CACNA1C: variants seen among roughly 807,000 people sequenced by gnomAD.
CACNA1C encodes the protein calcium voltage-gated channel subunit alpha1 C, also known as voltage-dependent L-type calcium channel subunit alpha-1C.
Under a neutral mutation model 229.0 loss-of-function variants are expected in CACNA1C, and 30 were observed. The ratio of observed to expected loss-of-function variants is 0.13; its 90% CI spans 0.10 to 0.18. The LOEUF is 0.18. CACNA1C is among the 10% of genes least tolerant of loss of function. The probability of loss-of-function intolerance (pLI) is 1.00; values close to 1 mark genes in which losing one functional copy is unlikely to be tolerated. For synonymous variants in CACNA1C, 1,114 were observed against 1,132.5 expected (o/e 0.98, Z 0.33); for missense variants, 1,658 against 2,845.0 (o/e 0.58, Z 9.49).
intron 1 of CACNA1C, among the ~76,000 whole-genome samples, chr12:2,044,258 C>T (rs2050695464): frequency 6.6e-6 from 1 of 152,162 alleles, no homozygotes. Flanking sequence ...CTGGGTCATA[C>T]GAATACATGA....
chr12:2,449,994 G>A (rs903847756), intron 4 of CACNA1C, among the ~76,000 whole-genome samples: 1 of 152,084 alleles, frequency 6.6e-6, no homozygotes, highest in African/African-American at 2.4e-5. Flanking sequence ...CAAGACAGGT[G>A]GATGAGAAGG....
chr12:2,283,263 A>C (rs2091897741), intron 3 of CACNA1C, among the ~76,000 whole-genome samples: 1 of 152,192 alleles, frequency 6.6e-6, no homozygotes, highest in Admixed American at 6.5e-5. Flanking sequence ...TTAGTGACAC[A>C]ATCCAATTAA....
Position 1,971,867 on chromosome 12 carries a change from C to G in CACNA1C, c.139+666C>G, listed in dbSNP as rs1263811709. Among the ~76,000 whole-genome samples, 1 of 152,158 alleles carries G rather than the reference C, an allele frequency of 6.6e-6. No individual in the cohort carries two copies. Among genetic ancestry groups the G allele is most frequent in the Non-Finnish European group, 1.5e-5 (1 of 68,026 alleles). ...TTTGTTTTATATTTTTACCCAAATA[C>G]CATACAACTCCAAATCATGAATGAT... On this transcript the variant is annotated intron_variant, in intron 1 of 46. Transcript: ENST00000682462. This position sits in a 1 kb window ranked among gnomAD's most constrained non-coding sequence, Gnocchi z 4.2.
At chr12:2,593,092 TC>T (rs1601450740) in intron 18 of CACNA1C, 120 bp from the exon 19 acceptor site, 1 of 1,102,062 alleles carries the variant, frequency 9.1e-7, no homozygotes, top group East Asian at 2.6e-5. Context: ...AGAATGTCTG[TC>T]TTGGTTGGTA....
chr12:2,583,648 C>G (rs936029132), intron 15 of CACNA1C, among the ~76,000 whole-genome samples: 1 of 152,224 alleles, frequency 6.6e-6, no homozygotes, highest in Non-Finnish European at 1.5e-5. Context: ...CTTTTCCCAG[C>G]TGGATGACCT....
chr12:2,105,540 G>C (rs1442189468), intron 1 of CACNA1C, among the ~76,000 whole-genome samples: 1 of 152,186 alleles, frequency 6.6e-6, no homozygotes, highest in Non-Finnish European at 1.5e-5. Flanking sequence ...AGTCAGATGC[G>C]GCATGGCGGC....
intron 1 of CACNA1C, among the ~76,000 whole-genome samples, chr12:2,083,569 A>G (rs2066464622): frequency 6.6e-6 from 1 of 152,228 alleles, no homozygotes; most frequent in Non-Finnish European, 1.5e-5. Context: ...TTTGATCCTC[A>G]GTTTCCCCAG....
At chr12:2,070,759 A>G (rs1040054946) in intron 1 of CACNA1C, among the ~76,000 whole-genome samples, 2 of 152,158 alleles carry the variant, frequency 1.3e-5, no homozygotes, top group African/African-American at 4.8e-5. Flanking sequence ...TTGGTGAGAT[A>G]CTTCAACTTG....
chr12:2,547,378 C>T (rs1232993761), intron 9 of CACNA1C: 9 of 753,142 alleles, frequency 1.2e-5, no homozygotes, highest in South Asian at 4.2e-5. Context: ...TTCTCTTGCC[C>T]GTGGCTGACT....
At chr12:2,210,428 CT>C (rs1314322516) in intron 3 of CACNA1C, among the ~76,000 whole-genome samples, 1 of 152,200 alleles carries the variant, frequency 6.6e-6, no homozygotes, top group Non-Finnish European at 1.5e-5. Context: ...CTTATGCCCT[CT>C]TTCTTTGGAA....
intron 3 of CACNA1C, among the ~76,000 whole-genome samples, chr12:2,163,172 T>C (rs1164374791): frequency 1.4e-5 from 2 of 139,150 alleles, no homozygotes; most frequent in Non-Finnish European, 3.0e-5. Context: ...CATTGCACTC[T>C]AGTCTGGGCA....
intron 9 of CACNA1C, among the ~76,000 whole-genome samples, chr12:2,517,335 C>T (rs2099799147): frequency 6.6e-6 from 1 of 152,238 alleles, no homozygotes; most frequent in South Asian, 2.1e-4. Context: ...GAGGAGGAGA[C>T]TCACACAGAC....
intron 29 of CACNA1C, among the ~76,000 whole-genome samples, chr12:2,624,711 T>C (rs1382376290): frequency 3.3e-5 from 5 of 152,216 alleles, no homozygotes; most frequent in Admixed American, 1.3e-4. Context: ...TGGTGGCCAG[T>C]GTCACCCCCT....
chr12:2,506,802 G>T (rs1320910768), intron 8 of CACNA1C, among the ~76,000 whole-genome samples: 1 of 151,398 alleles, frequency 6.6e-6, no homozygotes, highest in African/African-American at 2.4e-5. Flanking sequence ...ACTTTTAAAA[G>T]AATGTAACTC....
At chr12:2,069,306 G>T (rs143641479) in intron 1 of CACNA1C, among the ~76,000 whole-genome samples, 10 of 152,300 alleles carry the variant, frequency 6.6e-5, no homozygotes, top group African/African-American at 2.4e-4. Flanking sequence ...ACATCTTTCA[G>T]GCCCAGAAGG....
At chr12:2,527,258 G>A (rs1405862346) in intron 9 of CACNA1C, among the ~76,000 whole-genome samples, 1 of 152,150 alleles carries the variant, frequency 6.6e-6, no homozygotes, top group African/African-American at 2.4e-5. Flanking sequence ...AAAGATTAGA[G>A]GTCAAGCGAA....
At chr12:2,073,331 T>A (rs767431647) in intron 1 of CACNA1C, among the ~76,000 whole-genome samples, 1 of 152,250 alleles carries the variant, frequency 6.6e-6, no homozygotes, top group Non-Finnish European at 1.5e-5. Context: ...CTTACCCTTC[T>A]GTGCCCTTCC....
chr12:2,633,597 A>C lies in CACNA1C; in HGVS notation c.3829-700A>C, dbSNP rs753934092. On this transcript the variant is annotated intron_variant, in intron 29 of 46. Coordinates refer to ENST00000399655, the MANE Select transcript of CACNA1C (RefSeq NM_000719.7). The surrounding 1 kb of genome is among the most constrained non-coding windows in gnomAD (Gnocchi z 5.8). ...TCTTGTCTGTCTAATATTCCTTTTT[A>C]ATCCCCATCCTGCCTGCCCTCCCTT... 8.2e-6 allele frequency: 10 copies of C among 1,219,186 alleles called. No homozygotes were observed. The highest frequency in any genetic ancestry group is 1.2e-5 in the Non-Finnish European group (10 of 819,958). The allele number at this position is 1,219,186 out of a possible 1,614,324, so 75.5% of individuals were successfully genotyped here. A position where few individuals can be genotyped will look rare whatever the true frequency, so the allele number is the denominator to read the frequency against.
Position 2,585,502 on chromosome 12 carries a change from G to A in CACNA1C, c.2460+6G>A, listed in dbSNP as rs369246066. 4.5e-4 allele frequency: 696 copies of A among 1,552,772 alleles called. No homozygotes were observed. Among genetic ancestry groups the A allele is most frequent in the Non-Finnish European group, 5.8e-4 (671 of 1,147,298 alleles). ...AGTCTCCACCCGCCACCAAGGTGAG[G>A]AGCTGTCTCCTTCCTGGAGCTGTGA... On this transcript the variant is annotated splice_donor_region_variant and intron_variant, in intron 17 of 46. Coordinates refer to ENST00000399655, the MANE Select transcript of CACNA1C (RefSeq NM_000719.7). This position sits in a 1 kb window ranked among gnomAD's most constrained non-coding sequence, Gnocchi z 4.1.
Sources: allele counts gnomAD v4.1 joint callset (sites outside exome capture counted in the v4.1 genomes callset), GRCh38; gene constraint gnomAD v4.1.1; non-coding constraint Gnocchi (gnomAD v3.1); transcripts MANE v1.5; gene names NCBI Gene and HGNC (gene_info 2026-07-23, HGNC 2026-07-21).